Variants in ZFPM1 observed in about 807,000 individuals in gnomAD.
The protein encoded by ZFPM1 is zinc finger protein ZFPM1.
Under a neutral mutation model 46.3 loss-of-function variants are expected in ZFPM1, and 28 were observed. The observed-to-expected ratio is 0.60, with a 90% confidence interval of 0.45 to 0.83. The LOEUF (loss-of-function observed/expected upper bound fraction) is 0.83, where lower values mean the gene tolerates loss of function less well. Among genes scored for constraint, ZFPM1 ranks in the 40% least tolerant of loss-of-function variants. The probability of loss-of-function intolerance (pLI) is 0.00; values close to 1 mark genes in which losing one functional copy is unlikely to be tolerated. For synonymous variants in ZFPM1, 957 were observed against 675.9 expected (o/e 1.42, Z -6.45); for missense variants, 1,878 against 1,432.4 (o/e 1.31, Z -5.02).
At chr16:88,493,554 GGGGTGGGGAGA>G (rs1909745170) in intron 3 of ZFPM1, among the ~76,000 whole-genome samples, 1 of 143,326 alleles carries the variant, frequency 7.0e-6, no homozygotes. Context: ...GAGCTGTCCC[GGGGTGGGGAGA>G]GCTGTCCCGG....
At chr16:88,525,975 G>T (rs992249890) in intron 4 of ZFPM1, among the ~76,000 whole-genome samples, 1 of 152,248 alleles carries the variant, frequency 6.6e-6, no homozygotes, top group Non-Finnish European at 1.5e-5. Context: ...CATGAGCTCT[G>T]TCCCTCCCCT....
chr16:88,487,377 G>A (rs895585113), intron 2 of ZFPM1, among the ~76,000 whole-genome samples: 6 of 152,218 alleles, frequency 3.9e-5, no homozygotes, highest in Non-Finnish European at 5.9e-5. Context: ...CCACTCCAAC[G>A]TGGAGGGGAT....
chr16:88,494,120 C>T lies in ZFPM1; in HGVS notation c.268+4967C>T, dbSNP rs533179341. Among the ~76,000 whole-genome samples, 12 of 152,216 alleles carry T rather than the reference C, an allele frequency of 7.9e-5. No individual in the cohort carries two copies. The East Asian group carries it at 2.1e-3, about 27-fold the overall frequency. ...GTGGCTGGAGTCACTTCCCAGACCTCGGCTGCAGGCCTTGAGCTTGTCGGC... is the reference window on the plus strand; with the variant it reads ...GTGGCTGGAGTCACTTCCCAGACCTTGGCTGCAGGCCTTGAGCTTGTCGGC... On this transcript the variant is annotated intron_variant, in intron 3 of 9. Coordinates refer to ENST00000319555, the MANE Select transcript of ZFPM1 (RefSeq NM_153813.3).
intron 3 of ZFPM1, among the ~76,000 whole-genome samples, chr16:88,505,398 G>A (rs58926386): frequency 0.089 from 13,562 of 152,258 alleles, 908 homozygotes; most frequent in African/African-American, 0.18. Flanking sequence ...TCAGGTCCAC[G>A]GTGTCCCAGT....
At chr16:88,457,492 T>C (rs1279936869) in intron 1 of ZFPM1, among the ~76,000 whole-genome samples, 1 of 152,264 alleles carries the variant, frequency 6.6e-6, no homozygotes, top group Non-Finnish European at 1.5e-5. Flanking sequence ...GCTCTCAGCT[T>C]ACCTGGTCCT....
At chr16:88,507,511 G>T (rs1390461052) in intron 3 of ZFPM1, among the ~76,000 whole-genome samples, 1 of 152,236 alleles carries the variant, frequency 6.6e-6, no homozygotes. Flanking sequence ...GACCTGGGCT[G>T]CCTGGGTGTG....
Position 88,534,504 on chromosome 16 carries a change from T to A in ZFPM1, c.2546T>A (p.Leu849His). ...CCCGCTGCGCCACCGCCCGGCGCGC[T>A]CGGCCTGCCCGCCGCCGCCTGCCCC... ...SCPAAPPPGA[L>H]GLPAAACPYC... The change falls in exon 10 of 10, where the codon CTC becomes CAC. Residue 849 changes from leucine to histidine, a missense_variant. Coordinates refer to ENST00000319555, the MANE Select transcript of ZFPM1 (RefSeq NM_153813.3). The A allele has an allele frequency of 6.9e-7, 1 of 1,451,668 alleles. No homozygotes were observed. Among genetic ancestry groups the A allele is most frequent in the Non-Finnish European group, 9.0e-7 (1 of 1,107,254 alleles). 89.9% of individuals were successfully genotyped at this position (1,451,668 alleles called of 1,614,324 possible).
chr16:88,483,120 G>T (rs1228846731), intron 1 of ZFPM1, among the ~76,000 whole-genome samples: 1 of 152,082 alleles, frequency 6.6e-6, no homozygotes, highest in African/African-American at 2.4e-5. Context: ...GCTCCTGTGT[G>T]GTCTGAGCCC....
chr16:88,517,487 G>C (rs548800816), intron 4 of ZFPM1, among the ~76,000 whole-genome samples: 7 of 145,870 alleles, frequency 4.8e-5, no homozygotes, highest in African/African-American at 1.9e-4. Flanking sequence ...TGGATGGATG[G>C]ATGGATGGAT....
chr16:88,481,639 C>G (rs1378640517), intron 1 of ZFPM1, among the ~76,000 whole-genome samples: 1 of 152,050 alleles, frequency 6.6e-6, no homozygotes, highest in East Asian at 1.9e-4. Flanking sequence ...CACCGAGTCC[C>G]CGTACTGTCC....
intron 4 of ZFPM1, among the ~76,000 whole-genome samples, chr16:88,520,901 G>GTGGATGGA (rs1188173735): frequency 3.3e-5 from 4 of 119,884 alleles, no homozygotes; most frequent in Non-Finnish European, 6.9e-5. Context: ...GGGAGTGTGG[G>GTGGATGGA]TGGATGGATG....
At chr16:88,532,736 T>C in intron 8 of ZFPM1, 27 bp downstream of exon 8, 1 of 1,612,224 alleles carries the variant, frequency 6.2e-7, no homozygotes, top group Non-Finnish European at 8.5e-7. Flanking sequence ...CCGGGGGGTG[T>C]GTGGGTCCCG....
In ZFPM1 at chr16:88,469,651, G is replaced by T. The variant is rs1003125238; in HGVS notation, c.40+15973G>T. Among the ~76,000 whole-genome samples the T allele has an allele frequency of 6.6e-6, 1 of 152,212 alleles. No homozygotes were observed. Among genetic ancestry groups the T allele is most frequent in the Non-Finnish European group, 1.5e-5 (1 of 68,044 alleles). ...AGACCAGGATGAGGCAGGCTCCGCC[G>T]GCCTGAGACCTGGCTGGAGGCCCTG... On this transcript the variant is annotated intron_variant, in intron 1 of 9. Transcript: ENST00000319555. The surrounding 1 kb of genome is among the most constrained non-coding windows in gnomAD (Gnocchi z 4.3).
intron 1 of ZFPM1, among the ~76,000 whole-genome samples, chr16:88,455,135 GTGTGTGTGTGTGTGTGTGTGTGTGT>G (rs1907483890): frequency 8.0e-5 from 4 of 49,810 alleles, no homozygotes; most frequent in Non-Finnish European, 2.0e-4. Context: ...GTTCTGGGGT[GTGTGTGTGTGTGTGTGTGTGTGTGT>G]GTGTGTGTGT....
intron 3 of ZFPM1, among the ~76,000 whole-genome samples, chr16:88,504,746 C>A (rs2142408484): frequency 6.6e-6 from 1 of 152,300 alleles, no homozygotes; most frequent in South Asian, 2.1e-4. Flanking sequence ...CCAGAGAGCA[C>A]CATGGAAGGG....
At position 88,485,976 on chromosome 16, in the gene ZFPM1, G is replaced by A. The variant is rs1188890110; in HGVS notation, c.78G>A (p.Gln26=). 6.2e-7 allele frequency: 1 copy of A among 1,612,862 alleles called. No individual in the cohort carries two copies. The part of the protein sequence containing the change: ...LGDMEAREEV[Q]LVGASHMEQK... Reference sequence around the variant, plus strand: ...ACATGGAGGCCAGAGAGGAGGTGCAGTTGGTGGGTGCCAGCCACATGGAGC... The same window carrying A: ...ACATGGAGGCCAGAGAGGAGGTGCAATTGGTGGGTGCCAGCCACATGGAGC... The change falls in exon 2 of 10, where the codon CAG becomes CAA. Residue 26 remains glutamine (Q), a synonymous_variant. Coordinates refer to ENST00000319555, the MANE Select transcript of ZFPM1 (RefSeq NM_153813.3).
rs1913198465 is a variant in ZFPM1 at position 88,535,272 on chromosome 16, C to G, written c.*293C>G. On this transcript the variant is annotated 3_prime_UTR_variant, in exon 10 of 10. Coordinates refer to ENST00000319555, the MANE Select transcript of ZFPM1 (RefSeq NM_153813.3). Reference sequence around the variant, plus strand: ...CACTGCGGCCCGGAGTGGCTGGGCCCCTGCCGGAGTTACACCACTGGGTGC... The same window carrying G: ...CACTGCGGCCCGGAGTGGCTGGGCCGCTGCCGGAGTTACACCACTGGGTGC... 1.5e-5 allele frequency: 4 copies of G among 258,994 alleles called. No individual in the cohort carries two copies. The highest frequency in any genetic ancestry group is 4.5e-5 in the African/African-American group (2 of 44,902). The allele number at this position is 258,994 out of a possible 1,614,324, so 16.0% of individuals were successfully genotyped here. A position where few individuals can be genotyped will look rare whatever the true frequency, so the allele number is the denominator to read the frequency against.
chr16:88,524,251 G>C (rs568243498), intron 4 of ZFPM1, among the ~76,000 whole-genome samples: 1 of 152,208 alleles, frequency 6.6e-6, no homozygotes, highest in Admixed American at 6.5e-5. Context: ...CTCGCCGAGC[G>C]CTGCCCGCCT....
At position 88,487,460 on chromosome 16, in the gene ZFPM1, G is replaced by A. The variant is rs76877897; in HGVS notation, c.145+1417G>A. Among the ~76,000 whole-genome samples, 10 of 152,332 alleles carry A rather than the reference G, an allele frequency of 6.6e-5. No individual in the cohort carries two copies. The East Asian group carries it at 1.2e-3, about 18-fold the overall frequency. On this transcript the variant is annotated intron_variant, in intron 2 of 9. Transcript: ENST00000319555. ...GCTGGGGTGGAGGAGAGATGGATGC[G>A]TGGGGCTGCCCCTGACGGGCGGAAG...
Sources: allele counts gnomAD v4.1 joint callset (sites outside exome capture counted in the v4.1 genomes callset), GRCh38; gene constraint gnomAD v4.1.1; non-coding constraint Gnocchi (gnomAD v3.1); transcripts MANE v1.5; gene names NCBI Gene and HGNC (gene_info 2026-07-23, HGNC 2026-07-21).